RICTOR: variants seen among roughly 807,000 people sequenced by gnomAD.
RICTOR encodes rapamycin-insensitive companion of mTOR.
A neutral mutation model predicts 214.9 loss-of-function variants in RICTOR; 49 were observed. The observed-to-expected ratio is 0.23, with a 90% CI of 0.18 to 0.29. RICTOR has a LOEUF of 0.29. Ranked by LOEUF, RICTOR falls within the 10% of genes least tolerant of loss-of-function variation. The pLI is 1.00. For synonymous variants in RICTOR, 717 were observed against 711.3 expected (o/e 1.01, Z -0.13); for missense variants, 1,625 against 2,047.0 (o/e 0.79, Z 3.98).
chr5:39,036,131 A>T (rs934606225), intron 2 of RICTOR, among the ~76,000 whole-genome samples: 4 of 152,238 alleles, frequency 2.6e-5, no homozygotes, highest in South Asian at 2.1e-4. Flanking sequence ...GCAGAAACTC[A>T]ACAAGCCAGA....
intron 11 of RICTOR, 149 bp from the exon 12 acceptor site, chr5:38,968,179 A>G: frequency 1.7e-6 from 1 of 595,366 alleles, no homozygotes; most frequent in Non-Finnish European, 3.1e-6. Flanking sequence ...ATGATGGACC[A>G]TATATACGAT....
At chr5:38,950,824 G>A in intron 30 of RICTOR, 104 bp from the exon 31 acceptor site, 7 of 910,496 alleles carry the variant, frequency 7.7e-6, no homozygotes, top group South Asian at 2.2e-5. Context: ...GTCATCTAGA[G>A]GAAAAAATTT....
rs536879001 is a variant in RICTOR, at chr5:39,047,336, G to A, written c.98-26200C>T. On this transcript the variant is annotated intron_variant, in intron 2 of 37. Coordinates refer to ENST00000357387, the MANE Select transcript of RICTOR (RefSeq NM_152756.5). Reference sequence around the variant, plus strand: ...AAGGAGGGCACGACCTAGATCCCTCGCATGTGCAGTTCACAATAGGGTTCA... The same window carrying A: ...AAGGAGGGCACGACCTAGATCCCTCACATGTGCAGTTCACAATAGGGTTCA... 5.4e-4 allele frequency among the ~76,000 whole-genome samples: 82 copies of A among 152,186 alleles called. No homozygotes were observed. The Middle Eastern group carries it at 0.01, about 19-fold the overall frequency.
In RICTOR at chr5:38,950,844, C is replaced by T. The variant is rs189779676; in HGVS notation, c.3128-124G>A. The T allele has an allele frequency of 9.5e-4, 617 of 650,766 alleles. 1 individual carries two copies. The highest frequency in any genetic ancestry group is 1.0e-3 in the Non-Finnish European group (420 of 403,910). 40.3% of individuals were successfully genotyped at this position (650,766 alleles called of 1,614,324 possible). Reference sequence around the variant, plus strand: ...CTAGAGGAAAAAATTTAAAAATAAACGGTTAAACCATTCAGCTACTTGAAA... The same window carrying T: ...CTAGAGGAAAAAATTTAAAAATAAATGGTTAAACCATTCAGCTACTTGAAA... On this transcript the variant is annotated intron_variant, in intron 30 of 37. Transcript: ENST00000357387.
intron 6 of RICTOR, among the ~76,000 whole-genome samples, chr5:38,993,349 G>A (rs1355135204): frequency 3.3e-5 from 5 of 152,012 alleles, no homozygotes; most frequent in Admixed American, 6.6e-5. Context: ...GGTGGGCAGC[G>A]AGTAGAATTT....
chr5:38,947,231 C>A (rs1332595998), intron 32 of RICTOR, 33 bp downstream of exon 32: 3 of 1,516,580 alleles, frequency 2.0e-6, no homozygotes, highest in Non-Finnish European at 2.7e-6. Context: ...AGGAAACCAA[C>A]TCATAGGAAA....
chr5:38,958,459 A>C lies in RICTOR; in HGVS notation c.2404T>G (p.Leu802Val). The change falls in exon 24 of 38, where the codon TTG becomes GTG. Residue 802 changes from leucine to valine, a missense_variant. By Grantham distance (32) the Leu-to-Val change is conservative. This residue lies in a region of RICTOR where 1,214 missense variants were observed against 1,470.5 expected (regional missense o/e 0.83). Transcript: ENST00000357387. ...PALSHLGDKG[L>V]LLLLRFLSIP... ...AAAATTTACCTCAGCAGGAGAAGCAAACCCTTGTCTCCAAGGTGGGATAAC... is the reference window on the plus strand; with the variant it reads ...AAAATTTACCTCAGCAGGAGAAGCACACCCTTGTCTCCAAGGTGGGATAAC... 6.2e-7 allele frequency: 1 copy of C among 1,609,338 alleles called. No individual in the cohort carries two copies. Among genetic ancestry groups the C allele is most frequent in the South Asian group, 1.1e-5 (1 of 90,952 alleles).
chr5:39,043,144 C>T (rs569076007), intron 2 of RICTOR, among the ~76,000 whole-genome samples: 54 of 152,120 alleles, frequency 3.5e-4, no homozygotes, highest in Admixed American at 3.5e-3. Flanking sequence ...CCAAAGGAAA[C>T]GAAATCAGCA....
chr5:39,065,996 C>T (rs1758877478), intron 2 of RICTOR, among the ~76,000 whole-genome samples: 1 of 152,254 alleles, frequency 6.6e-6, no homozygotes, highest in South Asian at 2.1e-4. Flanking sequence ...TCTCACAGCT[C>T]CACTAGGCAG....
chr5:38,974,282 T>A (rs1751024788), intron 10 of RICTOR, among the ~76,000 whole-genome samples: 1 of 151,000 alleles, frequency 6.6e-6, no homozygotes, highest in Non-Finnish European at 1.5e-5. Flanking sequence ...ACCCTTGACC[T>A]CAGGTGATCC....
At chr5:38,966,801 A>AATT in intron 14 of RICTOR, 80 bp from the exon 15 acceptor site, 3 of 549,418 alleles carry the variant, frequency 5.5e-6, no homozygotes, top group Non-Finnish European at 6.3e-6. Flanking sequence ...ATTTTTCAAA[A>AATT]TTTTTTTTTT....
intron 17 of RICTOR, 91 bp downstream of exon 17, chr5:38,962,785 G>C: frequency 9.1e-7 from 1 of 1,093,726 alleles, no homozygotes; most frequent in Non-Finnish European, 1.4e-6. Context: ...ATGAAGAGAA[G>C]TGTAAACTCA....
intron 7 of RICTOR, among the ~76,000 whole-genome samples, chr5:38,990,523 T>TATGATATATAC (rs141086118): frequency 3.9e-5 from 5 of 129,800 alleles, no homozygotes; most frequent in African/African-American, 8.9e-5. Flanking sequence ...ACGATATATA[T>TATGATATATAC]ACGATATATA....
chr5:39,009,778 A>T (rs1172809429), intron 3 of RICTOR, among the ~76,000 whole-genome samples: 1 of 152,168 alleles, frequency 6.6e-6, no homozygotes, highest in African/African-American at 2.4e-5. Context: ...ATAGGAAAGA[A>T]GATAGTAATA....
intron 3 of RICTOR, among the ~76,000 whole-genome samples, chr5:39,010,882 G>A (rs911397721): frequency 6.6e-6 from 1 of 152,206 alleles, no homozygotes. Flanking sequence ...GTTTAAAAGT[G>A]AAGCAGAGCA....
intron 11 of RICTOR, among the ~76,000 whole-genome samples, chr5:38,968,455 G>A (rs1162146461): frequency 6.6e-6 from 1 of 150,528 alleles, no homozygotes; most frequent in Non-Finnish European, 1.5e-5. Flanking sequence ...ATCTTAGAGT[G>A]TACTTCTATA....
Position 38,952,455 on chromosome 5 carries a change from T to C in RICTOR, c.2898-30A>G, listed in dbSNP as rs142581640. 1,392 of 1,417,214 alleles carry C rather than the reference T, an allele frequency of 9.8e-4. 1 individual carries two copies. The highest frequency in any genetic ancestry group is 1.3e-3 in the Non-Finnish European group (1,337 of 1,006,690). The allele number at this position is 1,417,214 out of a possible 1,614,324, so 87.8% of individuals were successfully genotyped here. A position where few individuals can be genotyped will look rare whatever the true frequency, so the allele number is the denominator to read the frequency against. The stretch of plus-strand genomic sequence containing the variant: ...ATATAAAAGATGCAGTAAAAACAGT[T>C]ATAATTCCAAGCTGAGATTTCTTAA... On this transcript the variant is annotated intron_variant, in intron 29 of 37. Transcript: ENST00000357387.
chr5:38,977,362 G>T (rs1240187046), intron 9 of RICTOR, among the ~76,000 whole-genome samples: 1 of 152,078 alleles, frequency 6.6e-6, no homozygotes, highest in Non-Finnish European at 1.5e-5. Flanking sequence ...ATTGTTATTT[G>T]GTGTGCAGCA....
rs757361003 is a variant in RICTOR at position 38,962,889 on chromosome 5, A to G, written c.1553T>C (p.Ile518Thr). 19 of 1,612,076 alleles carry G rather than the reference A, an allele frequency of 1.2e-5. No individual in the cohort carries two copies. In the East Asian group the frequency reaches 3.1e-4, roughly 27 times the overall value. The change falls in exon 17 of 38, where the codon ATA (isoleucine) becomes ACA (threonine). Residue 518 changes from isoleucine to threonine, a missense_variant. By Grantham distance (89) the Ile-to-Thr change is moderately conservative. Around this residue, in one of 5 missense-constraint regions of RICTOR, gnomAD observed 1,214 missense variants for 1,470.5 expected, o/e 0.83. Coordinates refer to ENST00000357387, the MANE Select transcript of RICTOR (RefSeq NM_152756.5). Reference protein sequence around the residue: ...RDQYLRVQKDIFILKDTEEAL... With the variant: ...RDQYLRVQKDTFILKDTEEAL... Reference sequence around the variant, plus strand: ...TCATGTCAGCACCTTAAGGATAAATATATCTTTCTGAACTCGGAGATACTG... The same window carrying G: ...TCATGTCAGCACCTTAAGGATAAATGTATCTTTCTGAACTCGGAGATACTG...
Sources: gnomAD v4.1 joint callset for allele counts (sites outside exome capture counted in the v4.1 genomes callset) on GRCh38, gnomAD v4.1.1 for gene constraint, gnomAD v4.1.1 regional missense constraint, MANE v1.5 for transcripts, NCBI Gene and HGNC (gene_info 2026-07-23, HGNC 2026-07-21) for gene names.